ADAM15: variants seen among roughly 807,000 people sequenced by gnomAD.
ADAM15 encodes the protein disintegrin and metalloproteinase domain-containing protein 15.
Under a neutral mutation model 113.8 loss-of-function variants are expected in ADAM15, and 77 were observed. The ratio of observed to expected loss-of-function variants is 0.68; its 90% CI spans 0.56 to 0.82. ADAM15 has a LOEUF of 0.82. ADAM15 is among the 40% of genes least tolerant of loss of function. The pLI, the probability that ADAM15 is intolerant of heterozygous loss-of-function variation, is 0.00. For synonymous variants in ADAM15, 388 were observed against 454.1 expected, an observed-to-expected ratio of 0.85 and a Z score of 1.85; for missense variants, 963 against 1,120.1, an observed-to-expected ratio of 0.86 and a Z score of 2.00.
At chr1:155,053,804 G>A (rs1009458327) in intron 3 of ADAM15, 106 bp from the exon 4 acceptor site, 27 of 1,334,506 alleles carry the variant, frequency 2.0e-5, no homozygotes, top group Admixed American at 1.7e-4. Context: ...AGTTGGCTGC[G>A]GGGGTTGCCT....
rs768803750 is a variant in ADAM15, at chr1:155,052,767, A to G, written c.176A>G (p.Lys59Arg). The change falls in exon 2 of 23, where the codon AAG (lysine) becomes AGG (arginine). Residue 59 changes from lysine to arginine, a missense_variant. By Grantham distance (26) the Lys-to-Arg change is conservative. Coordinates refer to ENST00000356955, the MANE Select transcript of ADAM15 (RefSeq NM_207197.3). ...LQDDLPISLKKVLQTSLPEPL... is the reference protein window; with the variant it reads ...LQDDLPISLKRVLQTSLPEPL... ...GACGATCTCCCAATTAGCCTCAAAA[A>G]GGTGCTTCAGGTGAGCTCTCACTCC... 1.9e-6 allele frequency: 3 copies of G among 1,610,180 alleles called. No homozygotes were observed. The highest frequency in any genetic ancestry group is 2.5e-6 in the Non-Finnish European group (3 of 1,178,490).
chr1:155,058,725 C>T lies in ADAM15; in HGVS notation c.1933C>T (p.Arg645Ter), dbSNP rs757099799. Residue 645 changes from arginine (R) to a stop codon, truncating the protein, a stop_gained, in exon 16 of 23, where the codon CGA becomes TGA. Coordinates refer to ENST00000356955, the MANE Select transcript of ADAM15 (RefSeq NM_207197.3). LOFTEE classifies it high-confidence loss of function. The surrounding 1 kb of genome is among the most constrained non-coding windows in gnomAD (Gnocchi z 4.3). Reference sequence around the variant, plus strand: ...CCTGGGTCAGGTGTGTATAGACCATCGATGCCAGCGTGTGGATCTCCTGGG... The same window carrying T: ...CCTGGGTCAGGTGTGTATAGACCATTGATGCCAGCGTGTGGATCTCCTGGG... ...CGPGLVCIDHRCQRVDLLGAQ... is the reference protein window; with the variant it reads ...CGPGLVCIDH 55 of 1,613,536 alleles carry T rather than the reference C, an allele frequency of 3.4e-5. No individual in the cohort carries two copies. Among genetic ancestry groups the T allele is most frequent in the Non-Finnish European group, 4.2e-5 (50 of 1,179,846 alleles).
intron 5 of ADAM15, 22 bp from the exon 6 acceptor site, chr1:155,054,292 C>T (rs1248069851): frequency 6.3e-7 from 1 of 1,584,132 alleles, no homozygotes. Flanking sequence ...CTGAAATGTT[C>T]TCTGACTTTC....
At chr1:155,055,429 T>A in intron 6 of ADAM15, 1 of 274,856 alleles carries the variant, frequency 3.6e-6, no homozygotes, top group Non-Finnish European at 7.2e-6. Flanking sequence ...GGTTTCACCG[T>A]GTTATCCAGG....
Position 155,062,216 on chromosome 1 carries a change from A to T in ADAM15, c.2425-29A>T. The T allele has an allele frequency of 1.4e-6, 2 of 1,445,956 alleles. No individual in the cohort carries two copies. The highest frequency in any genetic ancestry group is 1.8e-6 in the Non-Finnish European group (2 of 1,096,546). The allele number at this position is 1,445,956 out of a possible 1,614,324, so 89.6% of individuals were successfully genotyped here. A position where few individuals can be genotyped will look rare whatever the true frequency, so the allele number is the denominator to read the frequency against. On this transcript the variant is annotated intron_variant, in intron 21 of 22. Transcript: ENST00000356955. The surrounding 1 kb of genome is among the most constrained non-coding windows in gnomAD (Gnocchi z 7.0). Reference sequence around the variant, plus strand: ...TGGGCAACATGACACCCCCCCACCTAAGCCGGCCTCCTGCCTTCTCTCCCT... The same window carrying T: ...TGGGCAACATGACACCCCCCCACCTTAGCCGGCCTCCTGCCTTCTCTCCCT...
At chr1:155,053,590 C>A in intron 3 of ADAM15, 97 bp downstream of exon 3, 1 of 1,245,202 alleles carries the variant, frequency 8.0e-7, no homozygotes, top group Non-Finnish European at 1.2e-6. Flanking sequence ...TCATTTAATC[C>A]TCATAACAGC....
rs977947394 is a variant in ADAM15, at chr1:155,061,116, G to C, written c.2277+284G>C. ...GGTGGATCTATCCATGCCCCCAGCA[G>C]TGACCCCAGGAGGGCACAAGGGCAG... On this transcript the variant is annotated intron_variant, in intron 19 of 22. Transcript: ENST00000356955. 3.3e-5 allele frequency: 19 copies of C among 580,076 alleles called. No individual in the cohort carries two copies. The Admixed American group carries it at 5.1e-4, about 16-fold the overall frequency. 35.9% of individuals were successfully genotyped at this position (580,076 alleles called of 1,614,324 possible).
At chr1:155,051,492 G>A (rs754235008) in intron 1 of ADAM15, 27 bp downstream of exon 1, 6 of 1,517,814 alleles carry the variant, frequency 4.0e-6, no homozygotes, top group African/African-American at 1.4e-5. Flanking sequence ...GAGTGGGTCG[G>A]GGGGCGGACT....
chr1:155,054,214 G>A lies in ADAM15; in HGVS notation c.407G>A (p.Cys136Tyr). The change falls in exon 5 of 23, where the codon TGC becomes TAC. Residue 136 changes from cysteine to tyrosine, a missense_variant. Coordinates refer to ENST00000356955, the MANE Select transcript of ADAM15 (RefSeq NM_207197.3). The part of the protein sequence containing the change: ...YAGSWVSICT[C>Y]SGLRGLVVLT... ...GGCTCCTGGGTGTCCATCTGCACCT[G>A]CTCTGGGCTCAGGTATACTGGGCGG... 6.2e-7 allele frequency: 1 copy of A among 1,603,984 alleles called. No individual in the cohort carries two copies. Among genetic ancestry groups the A allele is most frequent in the Non-Finnish European group, 8.5e-7 (1 of 1,176,928 alleles).
intron 19 of ADAM15, 121 bp from the exon 20 acceptor site, chr1:155,061,294 C>A: frequency 1.5e-6 from 1 of 683,362 alleles, no homozygotes; most frequent in Non-Finnish European, 2.6e-6. Context: ...TAACTGCATG[C>A]ACAGCACCCA....
Position 155,061,438 on chromosome 1 carries a change from G to C in ADAM15, c.2301G>C (p.Pro767=). The change falls in exon 20 of 23, where the codon CCG becomes CCC. Residue 767 remains proline, a synonymous_variant. Transcript: ENST00000356955. ...GTKQASALSF[P]APPSRPLPPD... ...AGCAGGCTAGTGCTCTCAGCTTCCC[G>C]GCCCCCCCTTCCAGGCCGCTGCCGC... 2 of 1,613,532 alleles carry C rather than the reference G, an allele frequency of 1.2e-6. No homozygotes were observed. Among genetic ancestry groups the C allele is most frequent in the South Asian group, 1.1e-5 (1 of 91,024 alleles).
rs1393450008 is a variant in ADAM15, at chr1:155,055,805, A to C, written c.628A>C (p.Thr210Pro). 2.5e-6 allele frequency: 4 copies of C among 1,614,048 alleles called. No individual in the cohort carries two copies. The highest frequency in any genetic ancestry group is 2.5e-6 in the Non-Finnish European group (3 of 1,180,046). The part of the protein sequence containing the change: ...RHIRRRRDVV[T>P]ETKTVELVIV... ...TCCATAGTAGAGGCGGGATGTGGTA[A>C]CAGAGACCAAGACTGTGGAGTTGGT... The change falls in exon 7 of 23, where the codon ACA (threonine) becomes CCA (proline). Residue 210 changes from threonine to proline, a missense_variant. Thr to Pro is a conservative substitution (Grantham distance 38). Coordinates refer to ENST00000356955, the MANE Select transcript of ADAM15 (RefSeq NM_207197.3).
chr1:155,053,826 C>T, intron 3 of ADAM15, 84 bp from the exon 4 acceptor site: 1 of 1,518,626 alleles, frequency 6.6e-7, no homozygotes, highest in Non-Finnish European at 9.0e-7. Flanking sequence ...GTCCCCAGCC[C>T]CACAACCACC....
chr1:155,060,011 G>T (rs1662354190), intron 17 of ADAM15, 37 bp downstream of exon 17: 1 of 1,610,242 alleles, frequency 6.2e-7, no homozygotes, highest in Non-Finnish European at 8.5e-7. Context: ...AGCTGGGAGG[G>T]CAAAGCGTCT....
At chr1:155,053,571 T>A (rs1661373850) in intron 3 of ADAM15, 78 bp downstream of exon 3, 1 of 1,463,288 alleles carries the variant, frequency 6.8e-7, no homozygotes, top group Non-Finnish European at 9.6e-7. Flanking sequence ...AGGTACTAAG[T>A]GCTTGTGCTC....
Position 155,059,933 on chromosome 1 carries a change from A to G in ADAM15, c.2027A>G (p.Glu676Gly), listed in dbSNP as rs767337207. Reference protein sequence around the residue: ...VCDSNRHCYCEEGWAPPDCTT... With the variant: ...VCDSNRHCYCGEGWAPPDCTT... ...GACAGCAACAGGCACTGCTACTGTGAGGAGGGCTGGGCACCCCCTGACTGC... is the reference window on the plus strand; with the variant it reads ...GACAGCAACAGGCACTGCTACTGTGGGGAGGGCTGGGCACCCCCTGACTGC... The change falls in exon 17 of 23, where the codon GAG becomes GGG. Residue 676 changes from glutamate (E) to glycine (G), a missense_variant. Transcript: ENST00000356955. 6.2e-7 allele frequency: 1 copy of G among 1,613,948 alleles called. No homozygotes were observed. The highest frequency in any genetic ancestry group is 1.3e-5 in the African/African-American group (1 of 74,894).
Position 155,057,966 on chromosome 1 carries a change from C to T in ADAM15, c.1532C>T (p.Pro511Leu). 2 of 1,612,816 alleles carry T rather than the reference C, an allele frequency of 1.2e-6. No individual in the cohort carries two copies. Among genetic ancestry groups the T allele is most frequent in the South Asian group, 2.2e-5 (2 of 91,090 alleles). Residue 511 changes from proline (P) to leucine (L), a missense_variant, in exon 14 of 23, where the codon CCC (proline) becomes CTC (leucine). Physicochemically the swap from Pro to Leu is moderately conservative, Grantham distance 98 (BLOSUM62 -3). Coordinates refer to ENST00000356955, the MANE Select transcript of ADAM15 (RefSeq NM_207197.3). This position sits in a 1 kb window ranked among gnomAD's most constrained non-coding sequence, Gnocchi z 5.0. ...PPDVSLGDGE[P>L]CAGGQAVCMH... ...GATGTCAGCCTAGGGGATGGCGAGC[C>T]CTGCGCTGGCGGGCAAGCTGTGTGC...
Position 155,054,404 on chromosome 1 carries a change from A to G in ADAM15, c.510A>G (p.Gln170=), listed in dbSNP as rs1661491174. The change falls in exon 6 of 23, where the codon CAA becomes CAG. Residue 170 remains glutamine (Q), a synonymous_variant. Transcript: ENST00000356955. ...LQGPPIISRI[Q]DLHLPGHTCA... is the part of the protein sequence containing the mutation. ...GTCCTCCCATTATTTCGCGAATCCA[A>G]GATCTCCACCTGCCAGGCCACACCT... 6.2e-7 allele frequency: 1 copy of G among 1,613,828 alleles called. No homozygotes were observed. Among genetic ancestry groups the G allele is most frequent in the Admixed American group, 1.7e-5 (1 of 59,972 alleles).
chr1:155,056,540 T>C lies in ADAM15; in HGVS notation c.999+70T>C, dbSNP rs1051576553. 1 of 1,484,726 alleles carries C rather than the reference T, an allele frequency of 6.7e-7. No homozygotes were observed. Among genetic ancestry groups the C allele is most frequent in the Admixed American group, 1.7e-5 (1 of 57,630 alleles). The allele number at this position is 1,484,726 out of a possible 1,614,324, so 92.0% of individuals were successfully genotyped here. A position where few individuals can be genotyped will look rare whatever the true frequency, so the allele number is the denominator to read the frequency against. Reference sequence around the variant, plus strand: ...CCCAAGTGTGGTGGCATTTATGCACTGAAACCCCCCTATAAAGTTGCCCAA... The same window carrying C: ...CCCAAGTGTGGTGGCATTTATGCACCGAAACCCCCCTATAAAGTTGCCCAA... On this transcript the variant is annotated intron_variant, in intron 10 of 22. Coordinates refer to ENST00000356955, the MANE Select transcript of ADAM15 (RefSeq NM_207197.3). This position sits in a 1 kb window ranked among gnomAD's most constrained non-coding sequence, Gnocchi z 4.0.
Sources: gnomAD v4.1 joint callset for allele counts on GRCh38, gnomAD v4.1.1 for gene constraint, Gnocchi (gnomAD v3.1) non-coding constraint, MANE v1.5 for transcripts, NCBI Gene and HGNC (gene_info 2026-07-23, HGNC 2026-07-21) for gene names.